The following TGM4 variants were observed in gnomAD, a reference collection of about 807,000 sequenced individuals.
TGM4 encodes the protein transglutaminase 4.
A neutral mutation model predicts 76.3 loss-of-function variants in TGM4; 61 were observed. The ratio of observed to expected loss-of-function variants is 0.80; its 90% CI spans 0.65 to 0.99. The LOEUF (loss-of-function observed/expected upper bound fraction) is 0.99, where lower values mean the gene tolerates loss of function less well. Among genes scored for constraint, TGM4 ranks in the 50% least tolerant of loss-of-function variants. The pLI is 0.00. For missense variants in TGM4, 794 were observed against 843.2 expected, an observed-to-expected ratio of 0.94 and a Z score of 0.72; for synonymous variants, 337 against 329.8, an observed-to-expected ratio of 1.02 and a Z score of -0.24.
At chr3:44,878,449 TTTATTATTATTATTATTATTATTA>T (rs199498412) in intron 1 of TGM4, among the ~76,000 whole-genome samples, 2 of 75,474 alleles carry the variant, frequency 2.6e-5, no homozygotes, top group Non-Finnish European at 5.2e-5. Context: ...TTACTTTTGT[TTTATTATTATTATTATTATTATTA>T]TTATTATTAT....
At chr3:44,896,940 G>T (rs1316602157) in intron 6 of TGM4, 124 bp downstream of exon 6, 19 of 600,254 alleles carry the variant, frequency 3.2e-5, no homozygotes, top group South Asian at 9.8e-5. Context: ...CCAATCAATT[G>T]TTCAAAACTA....
chr3:44,911,206 T>C (rs980348136), intron 12 of TGM4, 64 bp from the exon 13 acceptor site: 3 of 1,610,828 alleles, frequency 1.9e-6, no homozygotes, highest in Non-Finnish European at 2.5e-6. Flanking sequence ...CTAAGAACCC[T>C]GAGGGTCCTT....
At chr3:44,878,322 T>C (rs1165952464) in intron 1 of TGM4, among the ~76,000 whole-genome samples, 1 of 151,872 alleles carries the variant, frequency 6.6e-6, no homozygotes, top group Non-Finnish European at 1.5e-5. Flanking sequence ...ACTAAAGTAA[T>C]GGTTTATGGC....
At position 44,905,106 on chromosome 3, in the gene TGM4, T is replaced by C. The variant is rs562770159; in HGVS notation, c.1075+1119T>C. 9.9e-5 allele frequency among the ~76,000 whole-genome samples: 15 copies of C among 152,242 alleles called. No individual in the cohort carries two copies. The East Asian group carries it at 2.7e-3, about 27-fold the overall frequency. On this transcript the variant is annotated intron_variant, in intron 9 of 13. Coordinates refer to ENST00000296125, the MANE Select transcript of TGM4 (RefSeq NM_003241.4). ...TTAAAGTGATTCTCCTGCCTCAGCC[T>C]CCCGAGTAGCTGGGATTACAGGCGC...
intron 11 of TGM4, 77 bp from the exon 12 acceptor site, chr3:44,910,881 T>A: frequency 6.7e-7 from 1 of 1,491,296 alleles, no homozygotes; most frequent in Non-Finnish European, 9.2e-7. Context: ...TTAATCTAAT[T>A]CTGTGCTTGA....
chr3:44,883,818 CT>C (rs1168686670), intron 1 of TGM4, among the ~76,000 whole-genome samples: 1 of 152,220 alleles, frequency 6.6e-6, no homozygotes, highest in Non-Finnish European at 1.5e-5. Context: ...AGGTAGGCAT[CT>C]GATGTGGGCG....
intron 13 of TGM4, among the ~76,000 whole-genome samples, chr3:44,912,653 A>G (rs1317530047): frequency 6.6e-6 from 1 of 152,090 alleles, no homozygotes; most frequent in African/African-American, 2.4e-5. Context: ...TACTGCATTG[A>G]ATTTACCTAT....
intron 13 of TGM4, among the ~76,000 whole-genome samples, chr3:44,911,891 G>A (rs573896743): frequency 1.3e-5 from 2 of 152,282 alleles, no homozygotes; most frequent in South Asian, 4.1e-4. Context: ...GCAGTGACAC[G>A]ATCTTGGCTC....
intron 5 of TGM4, among the ~76,000 whole-genome samples, chr3:44,894,724 C>G (rs1430671445): frequency 6.6e-6 from 1 of 151,862 alleles, no homozygotes; most frequent in Admixed American, 6.6e-5. Flanking sequence ...CTCCTCCTCC[C>G]CCTGGGTCTG....
chr3:44,887,364 C>T (rs527560088), intron 2 of TGM4, among the ~76,000 whole-genome samples: 1 of 152,254 alleles, frequency 6.6e-6, no homozygotes, highest in East Asian at 1.9e-4. Flanking sequence ...GTCTGTGGCA[C>T]GAGCCAGCAG....
intron 10 of TGM4, 110 bp downstream of exon 10, chr3:44,907,310 CAAAA>C (rs3082589): frequency 0.27 from 173,205 of 652,036 alleles, 8,849 homozygotes; most frequent in African/African-American, 0.5. Context: ...CCATCCCTAC[CAAAA>C]AAAAAAAAAA....
intron 6 of TGM4, among the ~76,000 whole-genome samples, chr3:44,900,204 G>A (rs904262361): frequency 6.6e-6 from 1 of 152,202 alleles, no homozygotes; most frequent in African/African-American, 2.4e-5. Context: ...TCTAGCAGGC[G>A]CTGACAGGCT....
At chr3:44,895,824 G>T (rs1353409984) in intron 5 of TGM4, among the ~76,000 whole-genome samples, 5 of 152,068 alleles carry the variant, frequency 3.3e-5, no homozygotes, top group Non-Finnish European at 5.9e-5. Flanking sequence ...ATTACAGATT[G>T]AATCATCCAG....
intron 13 of TGM4, among the ~76,000 whole-genome samples, chr3:44,912,582 T>A (rs1700019473): frequency 6.6e-6 from 1 of 152,212 alleles, no homozygotes; most frequent in African/African-American, 2.4e-5. Context: ...CCCATTTTTG[T>A]CTATAGCACT....
chr3:44,888,277 G>C (rs1699641084), intron 3 of TGM4: 3 of 165,982 alleles, frequency 1.8e-5, no homozygotes. Context: ...GGGAGCACTG[G>C]GTGTTCACAG....
intron 1 of TGM4, among the ~76,000 whole-genome samples, chr3:44,880,507 G>A (rs1452882163): frequency 1.3e-5 from 2 of 152,208 alleles, no homozygotes; most frequent in Admixed American, 1.3e-4. Context: ...CCTGCTGGCA[G>A]GTGGCAGTAG....
chr3:44,875,654 C>G (rs1349754255), intron 1 of TGM4, among the ~76,000 whole-genome samples: 2 of 152,218 alleles, frequency 1.3e-5, no homozygotes, highest in Non-Finnish European at 2.9e-5. Context: ...CCCTCTGTAA[C>G]CTCCCAGCAG....
intron 2 of TGM4, among the ~76,000 whole-genome samples, chr3:44,887,165 C>T (rs1699619094): frequency 6.6e-6 from 1 of 152,220 alleles, no homozygotes; most frequent in Non-Finnish European, 1.5e-5. Context: ...CACTGAGGGC[C>T]ACCTGTGGGC....
chr3:44,884,498 T>TG (rs1042822901), intron 1 of TGM4, among the ~76,000 whole-genome samples: 4 of 152,084 alleles, frequency 2.6e-5, no homozygotes, highest in South Asian at 2.1e-4. Context: ...CTGTTTTTTT[T>TG]GGGGGGGATG....
Sources: gnomAD v4.1 joint callset for allele counts (sites outside exome capture counted in the v4.1 genomes callset) on GRCh38, gnomAD v4.1.1 for gene constraint, MANE v1.5 for transcripts, NCBI Gene and HGNC (gene_info 2026-07-23, HGNC 2026-07-21) for gene names.